Variants in JMJD1C observed in about 807,000 individuals in gnomAD.
The protein encoded by JMJD1C is jumonji domain-containing protein 1C.
Under a neutral mutation model 245.3 loss-of-function variants are expected in JMJD1C, and 31 were observed. The ratio of observed to expected loss-of-function variants is 0.13; its 90% CI spans 0.09 to 0.17. The LOEUF (loss-of-function observed/expected upper bound fraction) is 0.17. Ranked by LOEUF, JMJD1C falls within the 10% of genes least tolerant of loss-of-function variation. The probability of loss-of-function intolerance (pLI) is 1.00; values close to 1 mark genes in which losing one functional copy is unlikely to be tolerated. For missense variants in JMJD1C, 2,691 were observed against 3,000.2 expected (o/e 0.90, Z 2.41); for synonymous variants, 1,057 against 1,017.4 (o/e 1.04, Z -0.74).
At chr10:63,329,539 T>TAAA (rs1009715906) in intron 2 of JMJD1C, among the ~76,000 whole-genome samples, 1 of 114,716 alleles carries the variant, frequency 8.7e-6, no homozygotes, top group African/African-American at 3.2e-5. Context: ...ACAAAAACAC[T>TAAA]AAAAAAAAAA....
intron 3 of JMJD1C, among the ~76,000 whole-genome samples, chr10:63,253,843 T>C (rs1345038727): frequency 3.9e-5 from 6 of 152,216 alleles, no homozygotes; most frequent in Non-Finnish European, 5.9e-5. Flanking sequence ...ACGACCAGAA[T>C]GAATTCCTTA....
chr10:63,210,386 T>C (rs575266613), intron 8 of JMJD1C, among the ~76,000 whole-genome samples: 1 of 152,342 alleles, frequency 6.6e-6, no homozygotes, highest in East Asian at 1.9e-4. Flanking sequence ...CTCCTTTATG[T>C]TGTAATTTTA....
chr10:63,296,165 C>T (rs942198820), intron 2 of JMJD1C, among the ~76,000 whole-genome samples: 26 of 150,456 alleles, frequency 1.7e-4, no homozygotes, highest in African/African-American at 5.4e-4. Flanking sequence ...TGCACCACCA[C>T]GCCCAGCTAA....
intron 1 of JMJD1C, among the ~76,000 whole-genome samples, chr10:63,480,499 AAAGCC>A (rs1953798288): frequency 1.3e-5 from 2 of 152,050 alleles, no homozygotes; most frequent in Admixed American, 1.3e-4. Context: ...ATAGTTTTAT[AAAGCC>A]AACACAACTC....
chr10:63,332,819 C>T (rs978460955), intron 2 of JMJD1C, among the ~76,000 whole-genome samples: 6 of 152,182 alleles, frequency 3.9e-5, no homozygotes, highest in African/African-American at 1.4e-4. Flanking sequence ...GATTTTTCAA[C>T]TAGCTGTATG....
chr10:63,195,250 G>A (rs780307800), intron 13 of JMJD1C, among the ~76,000 whole-genome samples: 6 of 151,744 alleles, frequency 4.0e-5, no homozygotes, highest in Non-Finnish European at 8.8e-5. Context: ...CTACTTGGGA[G>A]GCTGAGGCAG....
Position 63,482,064 on chromosome 10 carries a change from G to T in JMJD1C, n.113+39674C>A, listed in dbSNP as rs546457968. Reference sequence around the variant, plus strand: ...ATATAGTAAGTCCCCACTTAATGTTGTGGATAGGTTCTTGGAAACCGCAAC... The same window carrying T: ...ATATAGTAAGTCCCCACTTAATGTTTTGGATAGGTTCTTGGAAACCGCAAC... On this transcript the variant is annotated intron_variant and non_coding_transcript_variant, in intron 1 of 3. Transcript: ENST00000633035. 2.0e-5 allele frequency among the ~76,000 whole-genome samples: 3 copies of T among 152,202 alleles called. No homozygotes were observed. In the East Asian group the frequency reaches 5.8e-4, roughly 29 times the overall value.
intron 1 of JMJD1C, among the ~76,000 whole-genome samples, chr10:63,383,933 T>A (rs1947401090): frequency 6.6e-6 from 1 of 152,202 alleles, no homozygotes; most frequent in Non-Finnish European, 1.5e-5. Context: ...CTATTAATTC[T>A]TCCTTTCATC....
intron 22 of JMJD1C, among the ~76,000 whole-genome samples, chr10:63,180,582 A>G (rs1366502940): frequency 6.6e-6 from 1 of 152,098 alleles, no homozygotes; most frequent in Non-Finnish European, 1.5e-5. Flanking sequence ...TAAAAAAATC[A>G]TCCTTTACTC....
At chr10:63,418,210 G>A (rs1010575887) in intron 1 of JMJD1C, among the ~76,000 whole-genome samples, 1 of 152,132 alleles carries the variant, frequency 6.6e-6, no homozygotes, top group Admixed American at 6.5e-5. Context: ...AAGATCTGAG[G>A]CAGGATCAGA....
At chr10:63,199,876 A>G (rs1389445986) in intron 11 of JMJD1C, among the ~76,000 whole-genome samples, 1 of 152,196 alleles carries the variant, frequency 6.6e-6, no homozygotes, top group Non-Finnish European at 1.5e-5. Flanking sequence ...TCATATGCGC[A>G]TGGGACTACA....
chr10:63,251,312 T>C (rs959065666), intron 3 of JMJD1C, among the ~76,000 whole-genome samples: 8 of 151,210 alleles, frequency 5.3e-5, no homozygotes, highest in Non-Finnish European at 1.0e-4. Context: ...CTGGGTATTT[T>C]TGTTGTTATT....
At chr10:63,352,246 A>C (rs939430305) in intron 2 of JMJD1C, among the ~76,000 whole-genome samples, 2 of 152,170 alleles carry the variant, frequency 1.3e-5, no homozygotes, top group Admixed American at 6.5e-5. Flanking sequence ...TTGAAAAAGA[A>C]CTACACAGAG....
At chr10:63,247,855 AAAACAAAAC>A (rs869144145) in intron 3 of JMJD1C, among the ~76,000 whole-genome samples, 13 of 143,556 alleles carry the variant, frequency 9.1e-5, no homozygotes, top group Admixed American at 5.8e-4. Context: ...AAAACAAAAC[AAAACAAAAC>A]AAACAAAGAA....
At chr10:63,172,242 T>A (rs776567043) in intron 24 of JMJD1C, among the ~76,000 whole-genome samples, 2 of 152,256 alleles carry the variant, frequency 1.3e-5, no homozygotes, top group Non-Finnish European at 2.9e-5. Flanking sequence ...CTATAATCTA[T>A]GTGAATTTTC....
At chr10:63,451,245 T>TC (rs1200514921) in intron 1 of JMJD1C, among the ~76,000 whole-genome samples, 2 of 152,088 alleles carry the variant, frequency 1.3e-5, no homozygotes, top group Non-Finnish European at 2.9e-5. Context: ...CCTATTAATA[T>TC]CCCCATGTTT....
intron 2 of JMJD1C, among the ~76,000 whole-genome samples, chr10:63,267,869 G>A (rs891110490): frequency 6.6e-6 from 1 of 152,036 alleles, no homozygotes; most frequent in South Asian, 2.1e-4. Context: ...AGAATGCTTA[G>A]AACAACTGTA....
chr10:63,331,083 C>T (rs1023469329), intron 2 of JMJD1C, among the ~76,000 whole-genome samples: 3 of 152,116 alleles, frequency 2.0e-5, no homozygotes, highest in Admixed American at 6.6e-5. Flanking sequence ...TTCTAAAATA[C>T]GTACTATCAA....
intron 1 of JMJD1C, among the ~76,000 whole-genome samples, chr10:63,416,723 T>C (rs576914554): frequency 2.6e-5 from 4 of 152,300 alleles, no homozygotes; most frequent in South Asian, 2.1e-4. Flanking sequence ...TTGTAATAAA[T>C]TGTAGCAAAG....
Sources: allele counts gnomAD v4.1 joint callset (sites outside exome capture counted in the v4.1 genomes callset), GRCh38; gene constraint gnomAD v4.1.1; transcripts MANE v1.5; gene names NCBI Gene and HGNC (gene_info 2026-07-23, HGNC 2026-07-21).